CHIC1: variants seen among roughly 807,000 people sequenced by gnomAD.
CHIC1 encodes cysteine rich hydrophobic domain 1.
A neutral mutation model predicts 18.5 loss-of-function variants in CHIC1; 7 were observed. That is an observed-to-expected ratio of 0.38 (90% confidence interval 0.22 to 0.71). CHIC1 has a LOEUF of 0.71. Among genes scored for constraint, CHIC1 ranks in the 30% least tolerant of loss-of-function variants. CHIC1 has a pLI of 0.49. For synonymous variants in CHIC1, 77 were observed against 73.5 expected, an observed-to-expected ratio of 1.05 and a Z score of -0.25; for missense variants, 159 against 176.9, an observed-to-expected ratio of 0.90 and a Z score of 0.57.
At chrX:73,679,018 GT>G (rs1192490238) in intron 3 of CHIC1, among the ~76,000 whole-genome samples, 2 of 111,989 alleles carry the variant, frequency 1.8e-5, no homozygotes, top group African/African-American at 6.5e-5. Flanking sequence ...TTAGTATATA[GT>G]TTAGGTTTTC....
rs201729301 is a variant in CHIC1, at chrX:73,641,676, A to G, written c.508-37650A>G. Among the ~76,000 whole-genome samples the G allele has an allele frequency of 1.7e-4, 16 of 93,134 alleles. No individual in the cohort carries two copies. The East Asian group carries it at 3.5e-3, about 21-fold the overall frequency. The allele number at this position is 93,134 out of a possible 115,157, so 80.9% of individuals were successfully genotyped here. A position where few individuals can be genotyped will look rare whatever the true frequency, so the allele number is the denominator to read the frequency against. On this transcript the variant is annotated intron_variant, in intron 3 of 5. Coordinates refer to ENST00000373502, the MANE Select transcript of CHIC1 (RefSeq NM_001039840.4). ...AAGCCATCCCTTCCCCCCTCCCCCC[A>G]CACCACAACAGTCCCCAGAGTGTGA...
chrX:73,676,838 C>G (rs781686274), intron 3 of CHIC1, among the ~76,000 whole-genome samples: 5 of 111,553 alleles, frequency 4.5e-5, no homozygotes, highest in African/African-American at 1.6e-4. Flanking sequence ...TTCTTCTGCT[C>G]TGTTTTTTTC....
At chrX:73,629,789 A>G (rs1347584664) in intron 3 of CHIC1, among the ~76,000 whole-genome samples, 3 of 112,147 alleles carry the variant, frequency 2.7e-5, no homozygotes, top group Non-Finnish European at 3.8e-5. Context: ...CTGTGGTTCC[A>G]TGTAAATTTT....
chrX:73,597,433 T>C (rs767812459), intron 3 of CHIC1, among the ~76,000 whole-genome samples: 109 of 110,283 alleles, frequency 9.9e-4, no homozygotes, highest in Non-Finnish European at 1.8e-3. Context: ...CTGTGGTTTG[T>C]CTTTTCACTG....
At chrX:73,680,161 G>A (rs1380347022) in intron 5 of CHIC1, among the ~76,000 whole-genome samples, 3 of 76,111 alleles carry the variant, frequency 3.9e-5, no homozygotes, top group African/African-American at 1.5e-4. Context: ...TCTAATTTTT[G>A]TTTTAACTGA....
chrX:73,585,244 A>G (rs1302108750), intron 3 of CHIC1, among the ~76,000 whole-genome samples: 1 of 111,920 alleles, frequency 8.9e-6, no homozygotes, highest in Admixed American at 9.5e-5. Context: ...TCAAAATTAT[A>G]GTGCCTTGTG....
intron 3 of CHIC1, among the ~76,000 whole-genome samples, chrX:73,589,719 T>C (rs887523005): frequency 9.0e-6 from 1 of 111,509 alleles, no homozygotes; most frequent in Non-Finnish European, 1.9e-5. Flanking sequence ...CCTCAAGTTA[T>C]TGTCTAGTGT....
intron 3 of CHIC1, among the ~76,000 whole-genome samples, chrX:73,607,633 T>C (rs1441317518): frequency 9.2e-6 from 1 of 109,164 alleles, no homozygotes; most frequent in Non-Finnish European, 1.9e-5. Context: ...CAAGGGAATC[T>C]TCTTGTCTGT....
intron 3 of CHIC1, among the ~76,000 whole-genome samples, chrX:73,614,867 T>C (rs1459209755): frequency 9.0e-6 from 1 of 110,951 alleles, no homozygotes; most frequent in Admixed American, 9.7e-5. Context: ...CAAGTTTTTA[T>C]AAATTTCTTT....
intron 3 of CHIC1, among the ~76,000 whole-genome samples, chrX:73,663,947 A>G (rs2057992837): frequency 9.0e-6 from 1 of 111,418 alleles, no homozygotes. Flanking sequence ...TCGCCCTAGG[A>G]CTAATCCCAC....
intron 3 of CHIC1, among the ~76,000 whole-genome samples, chrX:73,675,493 C>T (rs895164661): frequency 3.6e-5 from 4 of 111,897 alleles, no homozygotes; most frequent in African/African-American, 1.3e-4. Context: ...TAATGGCCTT[C>T]TTTGTCTCTT....
intron 3 of CHIC1, among the ~76,000 whole-genome samples, chrX:73,647,844 T>TCC (rs774293019): frequency 4.7e-4 from 53 of 111,910 alleles, no homozygotes; most frequent in Non-Finnish European, 8.3e-4. Flanking sequence ...GTGAGGTACA[T>TCC]CCCCTCCACC....
At chrX:73,595,871 C>T (rs1017820663) in intron 3 of CHIC1, among the ~76,000 whole-genome samples, 9 of 111,633 alleles carry the variant, frequency 8.1e-5, no homozygotes, top group Admixed American at 7.6e-4. Context: ...ACCATTCTAA[C>T]TGGAGTGACA....
intron 3 of CHIC1, among the ~76,000 whole-genome samples, chrX:73,624,082 A>C (rs1326445966): frequency 9.1e-6 from 1 of 110,086 alleles, no homozygotes; most frequent in Non-Finnish European, 1.9e-5. Context: ...GATCTTAAAA[A>C]ATAGGGAATC....
At chrX:73,595,890 CATT>C (rs1380969525) in intron 3 of CHIC1, among the ~76,000 whole-genome samples, 1 of 111,496 alleles carries the variant, frequency 9.0e-6, no homozygotes, top group African/African-American at 3.3e-5. Flanking sequence ...CATGGTATCT[CATT>C]GTGGTTTTGA....
At chrX:73,583,262 T>C (rs551117951) in intron 2 of CHIC1, among the ~76,000 whole-genome samples, 1 of 111,455 alleles carries the variant, frequency 9.0e-6, no homozygotes, top group Middle Eastern at 4.7e-3. Context: ...TTTAGCTTAC[T>C]TTAGTGCTGA....
intron 2 of CHIC1, among the ~76,000 whole-genome samples, chrX:73,582,501 G>T (rs1197338537): frequency 1.8e-5 from 2 of 108,900 alleles, no homozygotes; most frequent in African/African-American, 6.6e-5. Context: ...AAAGAGCATT[G>T]AATCTGCATT....
intron 3 of CHIC1, among the ~76,000 whole-genome samples, chrX:73,641,791 G>A (rs187951226): frequency 0.015 from 1,622 of 110,067 alleles, 31 homozygotes; most frequent in African/African-American, 0.051. Context: ...TTCTTGCGAT[G>A]GTTTACTGAG....
chrX:73,685,116 T>G lies in CHIC1; in HGVS notation c.*4111T>G, dbSNP rs2058115911. 3 of 111,748 alleles carry G rather than the reference T, an allele frequency of 2.7e-5. No individual in the cohort carries two copies. The highest frequency in any genetic ancestry group is 5.7e-5 in the Non-Finnish European group (3 of 52,967). 9.2% of individuals were successfully genotyped at this position (111,748 alleles called of 1,213,427 possible). A position where few individuals can be genotyped will look rare whatever the true frequency, so the allele number is the denominator to read the frequency against. On this transcript the variant is annotated 3_prime_UTR_variant, in exon 6 of 6. Coordinates refer to ENST00000373502, the MANE Select transcript of CHIC1 (RefSeq NM_001039840.4). The stretch of plus-strand genomic sequence containing the variant: ...GAATTCTTAGGACATTTTTACTCTA[T>G]AGAATCTCAGAATGATTATTCTCAG...
Sources: allele counts gnomAD v4.1 joint callset (sites outside exome capture counted in the v4.1 genomes callset), GRCh38; gene constraint gnomAD v4.1.1; transcripts MANE v1.5; gene names NCBI Gene and HGNC (gene_info 2026-07-23, HGNC 2026-07-21).